The following ATP10A variants were observed in gnomAD, a reference collection of about 807,000 sequenced individuals.
ATP10A encodes phospholipid-transporting ATPase VA.
In ATP10A, 111 loss-of-function variants were observed where a neutral mutation model predicts 147.8. The ratio of observed to expected loss-of-function variants is 0.75; its 90% CI spans 0.64 to 0.88. The LOEUF (loss-of-function observed/expected upper bound fraction) is 0.88. ATP10A is among the 40% of genes least tolerant of loss of function. The pLI, the probability that ATP10A is intolerant of heterozygous loss-of-function variation, is 0.00. For synonymous variants in ATP10A, 875 were observed against 841.6 expected (o/e 1.04, Z -0.69); for missense variants, 1,927 against 1,959.0 (o/e 0.98, Z 0.31).
chr15:25,788,280 GCA>G (rs1284016125), intron 1 of ATP10A, among the ~76,000 whole-genome samples: 1 of 152,232 alleles, frequency 6.6e-6, no homozygotes, highest in Non-Finnish European at 1.5e-5. Context: ...AAGCCACGGT[GCA>G]CACACAGTCT....
At chr15:25,726,302 G>A (rs1394214245) in intron 4 of ATP10A, among the ~76,000 whole-genome samples, 1 of 152,108 alleles carries the variant, frequency 6.6e-6, no homozygotes. Flanking sequence ...TAATGACTGT[G>A]GAGAACGAAA....
chr15:25,718,527 G>T, intron 7 of ATP10A, 128 bp from the exon 8 acceptor site: 3 of 933,932 alleles, frequency 3.2e-6, no homozygotes, highest in Non-Finnish European at 4.8e-6. Context: ...CACCACCCTT[G>T]CTCTCTAATA....
chr15:25,832,316 T>C (rs1892394625), intron 1 of ATP10A, among the ~76,000 whole-genome samples: 1 of 152,200 alleles, frequency 6.6e-6, no homozygotes, highest in Non-Finnish European at 1.5e-5. Flanking sequence ...TAATCTGTTA[T>C]AGAAGCCTCA....
Position 25,718,320 on chromosome 15 carries a change from G to C in ATP10A, c.1443C>G (p.Arg481=). The C allele has an allele frequency of 6.2e-7, 1 of 1,611,156 alleles. No homozygotes were observed. Among genetic ancestry groups the C allele is most frequent in the Non-Finnish European group, 8.5e-7 (1 of 1,179,718 alleles). ...VVPRGGSVSQ[R]GSIGSHQSVR... ...CACTCTGGTGGCTGCCGATGCTGCC[G>C]CGCTGGGACACCGAGCCCCCTCTGG... Residue 481 remains arginine, a synonymous_variant, in exon 8 of 21, where the codon CGC becomes CGG. Coordinates refer to ENST00000555815, the MANE Select transcript of ATP10A (RefSeq NM_024490.4).
At chr15:25,721,550 GT>G in intron 7 of ATP10A, 106 bp downstream of exon 7, 1 of 808,662 alleles carries the variant, frequency 1.2e-6, no homozygotes, top group Non-Finnish European at 1.8e-6. Context: ...AAGCGTGTGT[GT>G]GTGTGTGTGT....
At chr15:25,721,584 G>GTGTGTC (rs1491229036) in intron 7 of ATP10A, 73 bp downstream of exon 7, 2 of 1,148,040 alleles carry the variant, frequency 1.7e-6, no homozygotes, top group African/African-American at 3.2e-5. Context: ...GTGTGTGTGT[G>GTGTGTC]TCTCCAAACA....
intron 1 of ATP10A, among the ~76,000 whole-genome samples, chr15:25,789,565 AGT>A (rs59744412): frequency 4.0e-4 from 57 of 141,340 alleles, no homozygotes; most frequent in Admixed American, 1.1e-3. Context: ...CCAATAAAGA[AGT>A]GTGTGTGTGT....
At chr15:25,836,997 A>C (rs1892625920) in intron 1 of ATP10A, among the ~76,000 whole-genome samples, 1 of 152,252 alleles carries the variant, frequency 6.6e-6, no homozygotes, top group Non-Finnish European at 1.5e-5. Flanking sequence ...ATATTTTGAT[A>C]TACATATAAC....
chr15:25,771,898 G>A (rs988305854), intron 2 of ATP10A, among the ~76,000 whole-genome samples: 1 of 152,018 alleles, frequency 6.6e-6, no homozygotes, highest in Non-Finnish European at 1.5e-5. Flanking sequence ...AATTACAGGC[G>A]CCCACCACCA....
Position 25,695,037 on chromosome 15 carries a change from A to G in ATP10A, c.2870T>C (p.Leu957Pro). Residue 957 changes from leucine to proline, a missense_variant, in exon 14 of 21, where the codon CTC (leucine) becomes CCC (proline). Leu to Pro is a moderately conservative substitution (Grantham distance 98, BLOSUM62 -3). Coordinates refer to ENST00000555815, the MANE Select transcript of ATP10A (RefSeq NM_024490.4). ...KGKVSMRFSS[L>P]CPPSTSTASG... Reference sequence around the variant, plus strand: ...GGCAGTGGACGTGGAGGGTGGGCAGAGAGAGGAGAACCTCATGCTCACTTT... The same window carrying G: ...GGCAGTGGACGTGGAGGGTGGGCAGGGAGAGGAGAACCTCATGCTCACTTT... 1 of 1,614,182 alleles carries G rather than the reference A, an allele frequency of 6.2e-7. No homozygotes were observed. The highest frequency in any genetic ancestry group is 8.5e-7 in the Non-Finnish European group (1 of 1,180,030).
At chr15:25,675,403 G>A (rs1198273871), downstream of ATP10A, among the ~76,000 whole-genome samples, 1 of 152,210 alleles carries the variant, frequency 6.6e-6, no homozygotes, top group Non-Finnish European at 1.5e-5. Flanking sequence ...CATGAGAAGG[G>A]ATTCATTCAG....
At chr15:25,785,357 G>A (rs1425293514) in intron 1 of ATP10A, among the ~76,000 whole-genome samples, 1 of 152,220 alleles carries the variant, frequency 6.6e-6, no homozygotes, top group African/African-American at 2.4e-5. Context: ...GGGAGAACAT[G>A]GCGAGGGGAG....
At chr15:25,709,901 C>T (rs1596729379) in intron 10 of ATP10A, 1 of 152,392 alleles carries the variant, frequency 6.6e-6, no homozygotes, top group East Asian at 1.9e-4. Context: ...TGGAATCGGT[C>T]TACACTCTGA....
At chr15:25,732,880 C>T (rs977632302) in intron 3 of ATP10A, among the ~76,000 whole-genome samples, 39 of 152,060 alleles carry the variant, frequency 2.6e-4, no homozygotes, top group Admixed American at 2.6e-4. Context: ...TCATGTTGTA[C>T]TTCACTTTCA....
chr15:25,785,953 C>T (rs978910543), intron 1 of ATP10A, among the ~76,000 whole-genome samples: 2 of 152,226 alleles, frequency 1.3e-5, no homozygotes, highest in African/African-American at 4.8e-5. Flanking sequence ...GGTCCGGTCT[C>T]CGGAGGTGTC....
chr15:25,760,328 T>C (rs998192185), intron 2 of ATP10A, among the ~76,000 whole-genome samples: 8 of 152,326 alleles, frequency 5.3e-5, no homozygotes, highest in African/African-American at 1.4e-4. Flanking sequence ...TATTAATAGA[T>C]GTTCCAAAAT....
rs1275264633 is a variant in ATP10A at position 25,714,071 on chromosome 15, G to A, written c.1947C>T (p.Gly649=). The A allele has an allele frequency of 6.2e-7, 1 of 1,612,960 alleles. No homozygotes were observed. The highest frequency in any genetic ancestry group is 1.7e-5 in the Admixed American group (1 of 60,010). ...GCCTCTCCTCCAGCCTGAGAAGCAT[G>A]CCGTCGCTGGACGGGGTGGACGGGA... is the stretch of plus-strand genomic sequence containing the variant. The part of the protein sequence containing the change: ...SSFPSTPSSD[G]MLLRLEERLG... Residue 649 remains glycine (G), a synonymous_variant, in exon 10 of 21, where the codon GGC becomes GGT. Coordinates refer to ENST00000555815, the MANE Select transcript of ATP10A (RefSeq NM_024490.4).
chr15:25,732,899 C>T lies in ATP10A; in HGVS notation c.740+3157G>A, dbSNP rs1036378755. 2.0e-5 allele frequency among the ~76,000 whole-genome samples: 3 copies of T among 152,104 alleles called. No individual in the cohort carries two copies. The South Asian group carries it at 6.2e-4, about 32-fold the overall frequency. ...GTTGTACTTCACTTTCATTCCTTCA[C>T]TGGACTCTCATGTCAGCCTGTGAGG... On this transcript the variant is annotated intron_variant, in intron 3 of 20. Coordinates refer to ENST00000555815, the MANE Select transcript of ATP10A (RefSeq NM_024490.4).
At chr15:25,673,555 G>A (rs148422619), downstream of ATP10A, among the ~76,000 whole-genome samples, 89 of 152,310 alleles carry the variant, frequency 5.8e-4, 1 homozygote, top group African/African-American at 2.0e-3. Context: ...GACAGCTGGG[G>A]GACGACGTTG....
Sources: allele counts gnomAD v4.1 joint callset (sites outside exome capture counted in the v4.1 genomes callset), GRCh38; gene constraint gnomAD v4.1.1; transcripts MANE v1.5; gene names NCBI Gene and HGNC (gene_info 2026-07-23, HGNC 2026-07-21).